ITGA9: variants seen among roughly 807,000 people sequenced by gnomAD.
ITGA9 encodes integrin subunit alpha 9.
In ITGA9, 56 loss-of-function variants were observed where a neutral mutation model predicts 127.8. The ratio of observed to expected loss-of-function variants is 0.44; its 90% CI spans 0.35 to 0.55. ITGA9 has a LOEUF of 0.55. Ranked by LOEUF, ITGA9 falls within the 20% of genes least tolerant of loss-of-function variation. The probability of loss-of-function intolerance (pLI) is 0.00; values close to 1 mark genes in which losing one functional copy is unlikely to be tolerated. For missense variants in ITGA9, 1,196 were observed against 1,347.1 expected, an observed-to-expected ratio of 0.89 and a Z score of 1.76; for synonymous variants, 508 against 514.5, an observed-to-expected ratio of 0.99 and a Z score of 0.17.
intron 15 of ITGA9, among the ~76,000 whole-genome samples, chr3:37,586,510 G>A (rs1699760377): frequency 6.6e-6 from 1 of 152,160 alleles, no homozygotes; most frequent in Non-Finnish European, 1.5e-5. Flanking sequence ...TCTCTTTTAG[G>A]AATGCCATTT....
At chr3:37,673,882 G>A (rs1416377885) in intron 17 of ITGA9, among the ~76,000 whole-genome samples, 1 of 152,192 alleles carries the variant, frequency 6.6e-6, no homozygotes, top group Non-Finnish European at 1.5e-5. Flanking sequence ...ATCCCTTGAA[G>A]CTTTGAAAAT....
At chr3:37,466,740 G>A (rs1187392944) in intron 1 of ITGA9, among the ~76,000 whole-genome samples, 1 of 152,204 alleles carries the variant, frequency 6.6e-6, no homozygotes, top group Non-Finnish European at 1.5e-5. Flanking sequence ...ACAAGTGCCA[G>A]GTGTTCCCCA....
chr3:37,687,007 T>TA (rs1053995397), intron 18 of ITGA9, among the ~76,000 whole-genome samples: 6 of 152,090 alleles, frequency 3.9e-5, no homozygotes, highest in African/African-American at 1.4e-4. Context: ...TGAAATATTC[T>TA]AATGGGTAAA....
chr3:37,551,366 G>A (rs1308945568), intron 15 of ITGA9, among the ~76,000 whole-genome samples: 1 of 152,154 alleles, frequency 6.6e-6, no homozygotes, highest in Admixed American at 6.5e-5. Context: ...GCTTGGAGGG[G>A]ACTGGGGGTT....
At chr3:37,644,486 G>A (rs1244628929) in intron 16 of ITGA9, among the ~76,000 whole-genome samples, 1 of 152,178 alleles carries the variant, frequency 6.6e-6, no homozygotes, top group African/African-American at 2.4e-5. Context: ...GGTGCAATGT[G>A]CATTGGCCCA....
At chr3:37,603,042 G>A (rs1271982681) in intron 15 of ITGA9, among the ~76,000 whole-genome samples, 2 of 152,152 alleles carry the variant, frequency 1.3e-5, no homozygotes, top group Admixed American at 1.3e-4. Context: ...ATAATGATCT[G>A]GATACAGCCA....
At chr3:37,460,775 G>C (rs1698308425) in intron 1 of ITGA9, among the ~76,000 whole-genome samples, 1 of 152,026 alleles carries the variant, frequency 6.6e-6, no homozygotes, top group Non-Finnish European at 1.5e-5. Flanking sequence ...ATTTTTAGTA[G>C]AGAGTGGGTT....
intron 15 of ITGA9, among the ~76,000 whole-genome samples, chr3:37,563,650 A>G (rs1018738831): frequency 4.6e-5 from 7 of 152,252 alleles, no homozygotes; most frequent in Non-Finnish European, 5.9e-5. Context: ...TCTGGAGGAC[A>G]GATTCCAGCC....
chr3:37,490,051 C>T (rs914771079), intron 4 of ITGA9, among the ~76,000 whole-genome samples: 8 of 144,850 alleles, frequency 5.5e-5, no homozygotes, highest in Non-Finnish European at 7.6e-5. Context: ...GAGCAGACTA[C>T]GATCCTGAGT....
chr3:37,631,832 C>T (rs1700232521), intron 16 of ITGA9, among the ~76,000 whole-genome samples: 1 of 152,124 alleles, frequency 6.6e-6, no homozygotes, highest in Non-Finnish European at 1.5e-5. Flanking sequence ...ACCATTGTCC[C>T]CACCCCTACA....
intron 18 of ITGA9, among the ~76,000 whole-genome samples, chr3:37,709,162 C>G (rs760794395): frequency 2.0e-5 from 3 of 152,188 alleles, no homozygotes; most frequent in East Asian, 1.9e-4. Context: ...TTAAATTAGA[C>G]ATTCATGTAA....
intron 15 of ITGA9, among the ~76,000 whole-genome samples, chr3:37,604,450 G>A (rs1699948702): frequency 6.6e-6 from 1 of 152,220 alleles, no homozygotes; most frequent in African/African-American, 2.4e-5. Context: ...CAGTTCATGG[G>A]AATCTATAGG....
At chr3:37,678,947 T>A (rs1700708424) in intron 17 of ITGA9, among the ~76,000 whole-genome samples, 1 of 152,168 alleles carries the variant, frequency 6.6e-6, no homozygotes, top group Admixed American at 6.5e-5. Flanking sequence ...GTATAGTGAA[T>A]GAATTGGTGC....
intron 13 of ITGA9, among the ~76,000 whole-genome samples, chr3:37,531,111 CTCCT>C (rs1321080930): frequency 3.5e-5 from 5 of 142,064 alleles, no homozygotes; most frequent in Non-Finnish European, 6.1e-5. Flanking sequence ...TCCTTGGGTG[CTCCT>C]TTGCTTTTAT....
chr3:37,542,278 C>T, intron 14 of ITGA9, 147 bp from the exon 15 acceptor site: 1 of 833,148 alleles, frequency 1.2e-6, no homozygotes, highest in South Asian at 1.4e-5. Flanking sequence ...GCTTTCTGAG[C>T]AAGTCTCTGC....
chr3:37,705,536 A>C (rs1700994610), intron 18 of ITGA9, among the ~76,000 whole-genome samples: 1 of 152,174 alleles, frequency 6.6e-6, no homozygotes, highest in Admixed American at 6.5e-5. Context: ...TCTTTCTTCC[A>C]CGTCTCTGAA....
chr3:37,599,004 G>A (rs778560265), intron 15 of ITGA9, among the ~76,000 whole-genome samples: 8 of 152,168 alleles, frequency 5.3e-5, no homozygotes, highest in Non-Finnish European at 1.2e-4. Context: ...AGAATACCAC[G>A]GAATGAAAGC....
intron 10 of ITGA9, among the ~76,000 whole-genome samples, chr3:37,517,907 T>C (rs573033588): frequency 7.0e-4 from 106 of 152,306 alleles, no homozygotes; most frequent in African/African-American, 2.5e-3. Flanking sequence ...GCTGGTCCAT[T>C]TGGGACTTCT....
chr3:37,772,362 C>T (rs991494320), intron 23 of ITGA9, among the ~76,000 whole-genome samples: 4 of 151,812 alleles, frequency 2.6e-5, no homozygotes, highest in African/African-American at 9.7e-5. Context: ...GAGCCAAGAT[C>T]GCACCACTGC....
Sources: allele counts gnomAD v4.1 joint callset (sites outside exome capture counted in the v4.1 genomes callset), GRCh38; gene constraint gnomAD v4.1.1; transcripts MANE v1.5; gene names NCBI Gene and HGNC (gene_info 2026-07-23, HGNC 2026-07-21).